SUPT3H: variants seen among roughly 807,000 people sequenced by gnomAD.
The protein encoded by SUPT3H is SPT3 homolog, SAGA and STAGA complex component.
In SUPT3H, 44 loss-of-function variants were observed where a neutral mutation model predicts 44.3. That is an observed-to-expected ratio of 0.99 (90% CI 0.78 to 1.28). The LOEUF (loss-of-function observed/expected upper bound fraction) is 1.28, where lower values mean the gene tolerates loss of function less well. Ranked by LOEUF, SUPT3H falls within the 50% of genes most tolerant of loss-of-function variation. The pLI, the probability that SUPT3H is intolerant of heterozygous loss-of-function variation, is 0.00. For missense variants in SUPT3H, 380 were observed against 387.1 expected (o/e 0.98, Z 0.15); for synonymous variants, 124 against 125.6 (o/e 0.99, Z 0.09).
intron 5 of SUPT3H, among the ~76,000 whole-genome samples, chr6:45,005,203 T>C (rs1277279675): frequency 6.6e-6 from 1 of 152,178 alleles, no homozygotes; most frequent in Non-Finnish European, 1.5e-5. Context: ...TGATACATCA[T>C]TGTGATTAAA....
rs201394927 is a variant in SUPT3H, at chr6:44,842,612, A to AT, written c.913-12756dup. ...AGGCTTTTCATGCTGTCATATACCT[A>AT]TTTTTTTTTAAAAAAATGCTTACAT... On this transcript the variant is annotated intron_variant, in intron 10 of 10. Coordinates refer to ENST00000371459, the MANE Select transcript of SUPT3H (RefSeq NM_003599.4). 1.7e-4 allele frequency among the ~76,000 whole-genome samples: 26 copies of AT among 151,288 alleles called. 1 individual carries two copies. The highest frequency in any genetic ancestry group is 6.6e-4 in the Admixed American group (10 of 15,174).
chr6:44,981,965 C>G (rs889700678), intron 6 of SUPT3H, among the ~76,000 whole-genome samples: 2 of 151,770 alleles, frequency 1.3e-5, no homozygotes, highest in African/African-American at 4.8e-5. Context: ...CGCTTGAGCA[C>G]AGGAGTTTGA....
chr6:44,887,530 A>G (rs1289040446), intron 10 of SUPT3H, among the ~76,000 whole-genome samples: 1 of 152,198 alleles, frequency 6.6e-6, no homozygotes, highest in Admixed American at 6.5e-5. Flanking sequence ...TGGGTACATA[A>G]TGAAATGAAG....
chr6:44,885,645 A>G (rs181843903), intron 10 of SUPT3H, among the ~76,000 whole-genome samples: 1 of 152,292 alleles, frequency 6.6e-6, no homozygotes, highest in East Asian at 1.9e-4. Context: ...CCAAAAGAAG[A>G]CAAAACCACA....
chr6:44,962,680 T>C (rs549617843), intron 6 of SUPT3H, among the ~76,000 whole-genome samples: 1 of 152,326 alleles, frequency 6.6e-6, no homozygotes, highest in African/African-American at 2.4e-5. Flanking sequence ...TGGATGTTTT[T>C]GTATTTTTGA....
chr6:44,976,267 A>G (rs540037895), intron 6 of SUPT3H, among the ~76,000 whole-genome samples: 1 of 152,370 alleles, frequency 6.6e-6, no homozygotes, highest in African/African-American at 2.4e-5. Context: ...AAGAATAATC[A>G]TAACAATCAA....
At chr6:45,294,827 G>A (rs1159089446) in intron 2 of SUPT3H, among the ~76,000 whole-genome samples, 1 of 144,990 alleles carries the variant, frequency 6.9e-6, no homozygotes, top group East Asian at 2.1e-4. Context: ...ACAAAACACT[G>A]CTGAAAGAAA....
rs147927806 is a variant in SUPT3H at position 45,142,850 on chromosome 6, G to T, written c.102-36844C>A. Among the ~76,000 whole-genome samples, 1,074 of 148,718 alleles carry T rather than the reference G, an allele frequency of 7.2e-3. 10 individuals carry two copies. The highest frequency in any genetic ancestry group is 0.011 in the Non-Finnish European group (732 of 67,558). On this transcript the variant is annotated intron_variant, in intron 2 of 10. Coordinates refer to ENST00000371459, the MANE Select transcript of SUPT3H (RefSeq NM_003599.4). ...ACTAACACATAAGGACTCACATAAG[G>T]TAAAGGAGTGGAAAGATATTTCACG...
At chr6:45,259,599 G>A (rs1024654112) in intron 2 of SUPT3H, among the ~76,000 whole-genome samples, 1 of 149,746 alleles carries the variant, frequency 6.7e-6, no homozygotes, top group African/African-American at 2.4e-5. Flanking sequence ...CTCATTGCAG[G>A]ATAAGACTCC....
intron 2 of SUPT3H, among the ~76,000 whole-genome samples, chr6:45,175,012 TAAA>T (rs57838175): frequency 0.023 from 1,444 of 62,438 alleles, 10 homozygotes; most frequent in South Asian, 0.052. Context: ...CCCTCGTCAC[TAAA>T]AAAAAAAAAA....
At chr6:45,259,021 A>G (rs1773886409) in intron 2 of SUPT3H, among the ~76,000 whole-genome samples, 1 of 152,176 alleles carries the variant, frequency 6.6e-6, no homozygotes, top group Admixed American at 6.5e-5. Context: ...ACCAGATTTC[A>G]TCAATCATAT....
intron 11 of SUPT3H, among the ~76,000 whole-genome samples, chr6:44,820,825 G>A (rs1054629170): frequency 6.6e-6 from 1 of 152,278 alleles, no homozygotes; most frequent in East Asian, 1.9e-4. Context: ...ATTTAAAAGG[G>A]TGGTCAGAGA....
chr6:44,890,784 A>T (rs1211713846), intron 10 of SUPT3H, among the ~76,000 whole-genome samples: 1 of 151,382 alleles, frequency 6.6e-6, no homozygotes. Context: ...AAAAAAAGAA[A>T]ATGTGGCACA....
At chr6:45,363,473 G>C (rs898253476) in intron 2 of SUPT3H, among the ~76,000 whole-genome samples, 2 of 151,908 alleles carry the variant, frequency 1.3e-5, no homozygotes, top group African/African-American at 4.8e-5. Flanking sequence ...TGGATATATA[G>C]GTTTCATTAC....
chr6:44,921,564 C>G (rs893232767), intron 10 of SUPT3H, among the ~76,000 whole-genome samples: 2 of 152,300 alleles, frequency 1.3e-5, no homozygotes, highest in East Asian at 3.9e-4. Flanking sequence ...AGAAACCAAG[C>G]TAGCTCTCTT....
chr6:45,160,475 T>C (rs907030991), intron 2 of SUPT3H, among the ~76,000 whole-genome samples: 1 of 152,124 alleles, frequency 6.6e-6, no homozygotes, highest in Non-Finnish European at 1.5e-5. Flanking sequence ...TAGAAATGAA[T>C]GAGCACGACA....
chr6:45,119,293 C>T (rs1801273748), intron 2 of SUPT3H, among the ~76,000 whole-genome samples: 1 of 152,104 alleles, frequency 6.6e-6, no homozygotes, highest in Non-Finnish European at 1.5e-5. Context: ...TCTCTATTCT[C>T]CCCTATGCAT....
intron 3 of SUPT3H, among the ~76,000 whole-genome samples, chr6:45,062,262 A>G (rs1228749825): frequency 6.6e-6 from 1 of 152,168 alleles, no homozygotes; most frequent in Non-Finnish European, 1.5e-5. Flanking sequence ...CACAAATAAC[A>G]TTTGAAAAAG....
chr6:45,235,947 C>T (rs1415577023), intron 2 of SUPT3H, among the ~76,000 whole-genome samples: 1 of 152,134 alleles, frequency 6.6e-6, no homozygotes, highest in Non-Finnish European at 1.5e-5. Context: ...GCGATCTGTG[C>T]CTTAAGGACA....
Sources: gnomAD v4.1 joint callset for allele counts (sites outside exome capture counted in the v4.1 genomes callset) on GRCh38, gnomAD v4.1.1 for gene constraint, MANE v1.5 for transcripts, NCBI Gene and HGNC (gene_info 2026-07-23, HGNC 2026-07-21) for gene names.